SMC3: variants seen among roughly 807,000 people sequenced by gnomAD.
SMC3 encodes the protein structural maintenance of chromosomes 3, also known as structural maintenance of chromosomes protein 3.
Under a neutral mutation model 171.8 loss-of-function variants are expected in SMC3, and 20 were observed. The observed-to-expected ratio is 0.12, with a 90% CI of 0.08 to 0.17. SMC3 has a LOEUF of 0.17. Ranked by LOEUF, SMC3 falls within the 10% of genes least tolerant of loss-of-function variation. SMC3 has a pLI of 1.00. For missense variants in SMC3, 543 were observed against 1,420.4 expected, an observed-to-expected ratio of 0.38 and a Z score of 9.93; for synonymous variants, 464 against 451.1, an observed-to-expected ratio of 1.03 and a Z score of -0.36.
At chr10:110,569,330 A>G (rs1429663483) in intron 2 of SMC3, among the ~76,000 whole-genome samples, 2 of 152,088 alleles carry the variant, frequency 1.3e-5, no homozygotes, top group Admixed American at 6.6e-5. Flanking sequence ...CTGTTGCCTT[A>G]TTTCAGAGAC....
At chr10:110,585,131 C>T (rs1484104098) in intron 13 of SMC3, among the ~76,000 whole-genome samples, 1 of 151,792 alleles carries the variant, frequency 6.6e-6, no homozygotes, top group African/African-American at 2.4e-5. Context: ...CAGGCATGCA[C>T]CACCAAGCCC....
Position 110,601,815 on chromosome 10 carries a change from G to A in SMC3, c.2823G>A (p.Lys941=), listed in dbSNP as rs747392799. The change falls in exon 24 of 29, where the codon AAG becomes AAA. Residue 941 remains lysine, a synonymous_variant. Transcript: ENST00000361804. ...MLLKKKEECM[K]KIRELGSLPQ... Reference sequence around the variant, plus strand: ...TGAAGAAGAAAGAAGAGTGTATGAAGAAAATTCGAGAACTTGGATCACTTC... The same window carrying A: ...TGAAGAAGAAAGAAGAGTGTATGAAAAAAATTCGAGAACTTGGATCACTTC... 7.4e-6 allele frequency: 12 copies of A among 1,612,988 alleles called. No individual in the cohort carries two copies. In the South Asian group the frequency reaches 1.3e-4, roughly 18 times the overall value.
At chr10:110,580,193 A>G (rs1403065678) in intron 7 of SMC3, among the ~76,000 whole-genome samples, 4 of 152,218 alleles carry the variant, frequency 2.6e-5, no homozygotes, top group African/African-American at 2.4e-5. Flanking sequence ...ATACTATGCC[A>G]TTTTATATAA....
intron 1 of SMC3, 152 bp from the exon 2 acceptor site, chr10:110,568,786 A>G: frequency 1.7e-6 from 1 of 606,046 alleles, no homozygotes; most frequent in South Asian, 2.0e-5. Flanking sequence ...TTTTTAGCAG[A>G]TTTTTAATCA....
rs746174437 is a variant in SMC3, at chr10:110,580,897, A to AT, written c.430-3dup. 1.7e-5 allele frequency: 25 copies of AT among 1,508,362 alleles called. No homozygotes were observed. In the African/African-American group the frequency reaches 3.0e-4, roughly 18 times the overall value. 93.4% of individuals were successfully genotyped at this position (1,508,362 alleles called of 1,614,324 possible). The stretch of plus-strand genomic sequence containing the variant: ...CTATGTAATGATTATTTTTCTAAAA[A>AT]TTTTAGATCAACCAGATGGCAACAG... On this transcript the variant is annotated splice_region_variant and splice_polypyrimidine_tract_variant and intron_variant, in intron 7 of 28. Coordinates refer to ENST00000361804, the MANE Select transcript of SMC3 (RefSeq NM_005445.4).
chr10:110,585,591 A>T (rs1042859893), intron 13 of SMC3, among the ~76,000 whole-genome samples: 49 of 145,000 alleles, frequency 3.4e-4, no homozygotes, highest in African/African-American at 1.2e-3. Context: ...GCCCGGTGTA[A>T]TTTTTTTTTT....
chr10:110,584,502 T>A, intron 13 of SMC3, 106 bp downstream of exon 13: 1 of 761,794 alleles, frequency 1.3e-6, no homozygotes, highest in Non-Finnish European at 2.2e-6. Context: ...ATGTTGCTCT[T>A]AAAATATATG....
chr10:110,583,623 G>T, intron 11 of SMC3, 75 bp downstream of exon 11: 1 of 1,505,684 alleles, frequency 6.6e-7, no homozygotes, highest in South Asian at 1.1e-5. Flanking sequence ...CCCTTTCTGT[G>T]ACTGGTGTGT....
chr10:110,578,847 G>A, intron 7 of SMC3, 141 bp downstream of exon 7: 1 of 657,428 alleles, frequency 1.5e-6, no homozygotes, highest in Non-Finnish European at 2.7e-6. Context: ...GTACCAAATA[G>A]GTCCATTGCA....
intron 21 of SMC3, 78 bp from the exon 22 acceptor site, chr10:110,600,361 T>G: frequency 1.3e-6 from 1 of 787,836 alleles, no homozygotes; most frequent in Non-Finnish European, 2.3e-6. Context: ...GCACAAGTAC[T>G]AGAGAGGACA....
rs1357327114 is a variant in SMC3, at chr10:110,605,297, T to C, written c.*995T>C. On this transcript the variant is annotated 3_prime_UTR_variant, in exon 29 of 29. Transcript: ENST00000361804. ...AAGCACTGGGGGTCTCCTGTGACCC[T>C]GGAAAACTACCTCAATAGTCCTCGT... Among the ~76,000 whole-genome samples, 2 of 152,192 alleles carry C rather than the reference T, an allele frequency of 1.3e-5. No individual in the cohort carries two copies. Among genetic ancestry groups the C allele is most frequent in the African/African-American group, 4.8e-5 (2 of 41,470 alleles).
rs757119963 is a variant in SMC3, at chr10:110,601,036, G to T, written c.2550G>T (p.Leu850=). ...LDQVEQELNE[L]RETEGGTVLT... is the part of the protein sequence containing the mutation. ...TTTTGTTACAGGAACTTAATGAGCT[G>T]AGAGAGACAGAAGGGGGTACTGTTC... The change falls in exon 23 of 29, where the codon CTG becomes CTT. Residue 850 remains leucine, a synonymous_variant. Transcript: ENST00000361804. 1.2e-6 allele frequency: 2 copies of T among 1,612,880 alleles called. No individual in the cohort carries two copies. The highest frequency in any genetic ancestry group is 1.7e-6 in the Non-Finnish European group (2 of 1,179,068).
chr10:110,589,554 T>C (rs547581729), intron 13 of SMC3, 51 bp from the exon 14 acceptor site: 1 of 1,174,082 alleles, frequency 8.5e-7, no homozygotes, highest in East Asian at 2.5e-5. Context: ...TTTCTATCAG[T>C]GTAGATTAGT....
intron 25 of SMC3, 48 bp from the exon 26 acceptor site, chr10:110,602,426 T>C (rs747282340): frequency 7.7e-6 from 11 of 1,427,642 alleles, no homozygotes; most frequent in Admixed American, 3.5e-5. Flanking sequence ...TTAAGTGTTA[T>C]ATATAATTCT....
At chr10:110,578,858 T>C (rs1479040633) in intron 7 of SMC3, 152 bp downstream of exon 7, 1 of 643,534 alleles carries the variant, frequency 1.6e-6, no homozygotes, top group Non-Finnish European at 2.8e-6. Flanking sequence ...GTCCATTGCA[T>C]GTTGAGATGG....
intron 18 of SMC3, among the ~76,000 whole-genome samples, chr10:110,595,422 T>C (rs769545070): frequency 5.3e-5 from 8 of 152,230 alleles, no homozygotes; most frequent in Admixed American, 3.9e-4. Context: ...ATGAATGATA[T>C]GTACTTATGG....
chr10:110,589,715 A>ATAGACTAAAATGTGCAT lies in SMC3; in HGVS notation c.1409+10_1409+26dup. On this transcript the variant is annotated splice_region_variant and intron_variant, in intron 14 of 28. Transcript: ENST00000361804. ...AACTACAAAGTGAAAGAAAGTTAGT[A>ATAGACTAAAATGTGCAT]TAGACTAAAATGTGCATTAATGTTT... 1 of 1,530,350 alleles carries ATAGACTAAAATGTGCAT rather than the reference A, an allele frequency of 6.5e-7. No individual in the cohort carries two copies. The highest frequency in any genetic ancestry group is 9.0e-7 in the Non-Finnish European group (1 of 1,105,410). 94.8% of individuals were successfully genotyped at this position (1,530,350 alleles called of 1,614,324 possible).
chr10:110,598,480 C>G (rs551769267), intron 20 of SMC3, among the ~76,000 whole-genome samples, 190 bp downstream of exon 20: 1 of 151,858 alleles, frequency 6.6e-6, no homozygotes, highest in East Asian at 1.9e-4. Context: ...GTTCTCAGCT[C>G]ACTGCAGCCT....
chr10:110,602,359 G>C, intron 25 of SMC3, 115 bp from the exon 26 acceptor site: 1 of 1,004,376 alleles, frequency 1.0e-6, no homozygotes, highest in Non-Finnish European at 1.5e-6. Context: ...GAAGGATCTA[G>C]TCTGTTATCC....
Sources: allele counts gnomAD v4.1 joint callset (sites outside exome capture counted in the v4.1 genomes callset), GRCh38; gene constraint gnomAD v4.1.1; transcripts MANE v1.5; gene names NCBI Gene and HGNC (gene_info 2026-07-23, HGNC 2026-07-21).